The following THEMIS variants were observed in gnomAD, a reference collection of about 807,000 sequenced individuals.
The protein encoded by THEMIS is thymocyte selection associated.
In THEMIS, 37 loss-of-function variants were observed where a neutral mutation model predicts 52.6. That is an observed-to-expected ratio of 0.70 (90% CI 0.54 to 0.93). THEMIS has a LOEUF of 0.93. Ranked by LOEUF, THEMIS falls within the 40% of genes least tolerant of loss-of-function variation. The probability of loss-of-function intolerance (pLI) is 0.00; values close to 1 mark genes in which losing one functional copy is unlikely to be tolerated. For missense variants in THEMIS, 808 were observed against 763.1 expected (o/e 1.06, Z -0.69); for synonymous variants, 292 against 272.7 (o/e 1.07, Z -0.70).
chr6:127,794,646 C>G (rs1047619719), intron 4 of THEMIS, among the ~76,000 whole-genome samples: 1 of 152,160 alleles, frequency 6.6e-6, no homozygotes, highest in Non-Finnish European at 1.5e-5. Flanking sequence ...TGTTTATTAT[C>G]TCTTTCCTCT....
chr6:127,896,916 A>T (rs778443237), intron 1 of THEMIS, among the ~76,000 whole-genome samples: 31 of 151,514 alleles, frequency 2.0e-4, no homozygotes, highest in Admixed American at 8.6e-4. Context: ...TATATATTAG[A>T]TATTGCATAT....
intron 1 of THEMIS, among the ~76,000 whole-genome samples, chr6:127,865,563 T>C (rs897767136): frequency 3.9e-5 from 6 of 152,174 alleles, no homozygotes; most frequent in Admixed American, 1.3e-4. Flanking sequence ...TTGGGAATTA[T>C]CTGATTCTAC....
intron 4 of THEMIS, among the ~76,000 whole-genome samples, chr6:127,753,591 C>A (rs1775720999): frequency 6.6e-6 from 1 of 151,650 alleles, no homozygotes; most frequent in Non-Finnish European, 1.5e-5. Context: ...AGAAAAAAAG[C>A]AATCCTAAAA....
At chr6:127,777,078 A>G (rs1327839451) in intron 4 of THEMIS, among the ~76,000 whole-genome samples, 5 of 151,848 alleles carry the variant, frequency 3.3e-5, no homozygotes, top group Non-Finnish European at 7.4e-5. Flanking sequence ...GACAGCATAC[A>G]GTTGAGTATT....
At chr6:127,817,391 T>C (rs1328301827) in intron 3 of THEMIS, among the ~76,000 whole-genome samples, 2 of 152,220 alleles carry the variant, frequency 1.3e-5, no homozygotes, top group Admixed American at 1.3e-4. Context: ...AGCTATTGTA[T>C]ATTTTATTTA....
intron 4 of THEMIS, among the ~76,000 whole-genome samples, chr6:127,733,265 T>C (rs1230387312): frequency 6.6e-6 from 1 of 152,242 alleles, no homozygotes; most frequent in East Asian, 1.9e-4. Context: ...ATCCCTTATC[T>C]ATTTTGCAAA....
intron 1 of THEMIS, among the ~76,000 whole-genome samples, chr6:127,915,186 T>TG (rs1781495013): frequency 6.8e-6 from 1 of 147,490 alleles, no homozygotes; most frequent in South Asian, 2.4e-4. Context: ...ACTTCCCCTT[T>TG]GGAAAAAAAA....
intron 2 of THEMIS, among the ~76,000 whole-genome samples, chr6:127,834,097 G>A (rs1583330359): frequency 6.6e-6 from 1 of 152,120 alleles, no homozygotes; most frequent in East Asian, 1.9e-4. Context: ...GAGTCTTCAA[G>A]AGCAGAAATA....
chr6:127,720,614 C>G (rs772900213), intron 4 of THEMIS, among the ~76,000 whole-genome samples: 1 of 151,870 alleles, frequency 6.6e-6, no homozygotes, highest in African/African-American at 2.4e-5. Flanking sequence ...TCAATTATGG[C>G]CATTCAGGCT....
intron 2 of THEMIS, among the ~76,000 whole-genome samples, chr6:127,851,901 C>A (rs1009602507): frequency 1.3e-5 from 2 of 151,592 alleles, no homozygotes; most frequent in Non-Finnish European, 3.0e-5. Flanking sequence ...CTTACATTAG[C>A]CTGCAGTTAG....
chr6:127,884,982 C>T (rs1780601958), intron 1 of THEMIS, among the ~76,000 whole-genome samples: 1 of 152,130 alleles, frequency 6.6e-6, no homozygotes, highest in Non-Finnish European at 1.5e-5. Flanking sequence ...CCTATCAGAT[C>T]AGGGCCTCAC....
chr6:127,714,550 G>A (rs1258663182), intron 5 of THEMIS, among the ~76,000 whole-genome samples: 4 of 151,784 alleles, frequency 2.6e-5, no homozygotes, highest in African/African-American at 9.7e-5. Context: ...TAGATCCCAA[G>A]AATATGTATT....
chr6:127,890,871 AAATAT>A (rs1239595791), intron 1 of THEMIS, among the ~76,000 whole-genome samples: 9 of 152,092 alleles, frequency 5.9e-5, no homozygotes, highest in Non-Finnish European at 2.9e-5. Context: ...GAAGGAATAT[AAATAT>A]CAATAGAGAA....
At chr6:127,756,344 C>T (rs1398044162) in intron 4 of THEMIS, among the ~76,000 whole-genome samples, 2 of 152,068 alleles carry the variant, frequency 1.3e-5, no homozygotes, top group Non-Finnish European at 2.9e-5. Context: ...AAGATGGAAA[C>T]AGTAGTTTGT....
chr6:127,818,154 T>C (rs979014110), intron 3 of THEMIS, among the ~76,000 whole-genome samples: 4 of 152,082 alleles, frequency 2.6e-5, no homozygotes, highest in African/African-American at 9.7e-5. Flanking sequence ...TACTTCTACA[T>C]AAAGGAAAGG....
chr6:127,850,482 G>T (rs1029137021), intron 2 of THEMIS, among the ~76,000 whole-genome samples: 1 of 151,724 alleles, frequency 6.6e-6, no homozygotes, highest in African/African-American at 2.4e-5. Context: ...ATATGGAACT[G>T]ACCTAACTGT....
intron 4 of THEMIS, among the ~76,000 whole-genome samples, chr6:127,771,764 C>T (rs1040170176): frequency 6.6e-6 from 1 of 152,120 alleles, no homozygotes; most frequent in African/African-American, 2.4e-5. Flanking sequence ...TCAAGTTACA[C>T]TACGAACTTT....
intron 4 of THEMIS, among the ~76,000 whole-genome samples, chr6:127,734,959 GTGTGTGTGTATA>G (rs1281053322): frequency 8.2e-5 from 11 of 133,980 alleles, no homozygotes; most frequent in East Asian, 2.3e-4. Flanking sequence ...ATACATATAT[GTGTGTGTGTATA>G]TGTGTGTGTA....
At chr6:127,716,430 C>G (rs1774163426) in intron 5 of THEMIS, among the ~76,000 whole-genome samples, 1 of 151,858 alleles carries the variant, frequency 6.6e-6, no homozygotes, top group Admixed American at 6.6e-5. Context: ...TTGCCCATAA[C>G]CATAGACCCT....
Sources: allele counts gnomAD v4.1 joint callset (sites outside exome capture counted in the v4.1 genomes callset), GRCh38; gene constraint gnomAD v4.1.1; transcripts MANE v1.5; gene names NCBI Gene and HGNC (gene_info 2026-07-23, HGNC 2026-07-21).